The following TTC28 variants were observed in gnomAD, a reference collection of about 807,000 sequenced individuals.
TTC28 encodes tetratricopeptide repeat protein 28.
TTC28 carries 61 observed loss-of-function variants against 198.0 expected under a neutral mutation model. The ratio of observed to expected loss-of-function variants is 0.31; its 90% CI spans 0.25 to 0.38. TTC28 has a LOEUF of 0.38. Ranked by LOEUF, TTC28 falls within the 10% of genes least tolerant of loss-of-function variation. The pLI is 1.00. For missense variants in TTC28, 2,678 were observed against 3,164.0 expected (o/e 0.85, Z 3.69); for synonymous variants, 1,171 against 1,297.8 (o/e 0.90, Z 2.10).
At chr22:28,478,695 CAT>C (rs964404821) in intron 2 of TTC28, among the ~76,000 whole-genome samples, 2 of 152,186 alleles carry the variant, frequency 1.3e-5, no homozygotes, top group Admixed American at 1.3e-4. Flanking sequence ...TGGTGATGAG[CAT>C]ATATGTTTGA....
intron 2 of TTC28, among the ~76,000 whole-genome samples, chr22:28,495,685 T>C (rs906295108): frequency 1.3e-5 from 2 of 152,024 alleles, no homozygotes; most frequent in Admixed American, 6.5e-5. Context: ...CTCAGGACAA[T>C]AGTTGTGGAA....
At chr22:28,133,807 C>G (rs1391705391) in intron 6 of TTC28, among the ~76,000 whole-genome samples, 1 of 152,248 alleles carries the variant, frequency 6.6e-6, no homozygotes, top group Non-Finnish European at 1.5e-5. Context: ...AAACAAAAGG[C>G]AGCAGAAACC....
At chr22:28,257,433 G>A (rs1426113962) in intron 5 of TTC28, among the ~76,000 whole-genome samples, 1 of 151,906 alleles carries the variant, frequency 6.6e-6, no homozygotes, top group Admixed American at 6.6e-5. Context: ...ATAAAAAGAA[G>A]GGAATTCTGT....
chr22:28,513,256 G>A (rs908009534), intron 2 of TTC28, among the ~76,000 whole-genome samples: 3 of 152,144 alleles, frequency 2.0e-5, no homozygotes, highest in South Asian at 2.1e-4. Flanking sequence ...ATACCTATAC[G>A]AGTCATGCCC....
At chr22:28,578,597 G>A (rs2050185243) in intron 2 of TTC28, among the ~76,000 whole-genome samples, 1 of 152,022 alleles carries the variant, frequency 6.6e-6, no homozygotes, top group Non-Finnish European at 1.5e-5. Flanking sequence ...AAAATCAGAT[G>A]GGCAGTCCAG....
chr22:28,470,536 T>C lies in TTC28; in HGVS notation c.381+159016A>G, dbSNP rs554526874. On this transcript the variant is annotated intron_variant, in intron 2 of 22. Transcript: ENST00000397906. ...AAAACAGTGCCCCAAATTTCTACCA[T>C]AGGAGTCACCCTTGTAGCTTTAGGT... is the stretch of plus-strand genomic sequence containing the variant. 1.8e-4 allele frequency among the ~76,000 whole-genome samples: 27 copies of C among 152,298 alleles called. 1 individual carries two copies. The South Asian group carries it at 4.1e-3, about 23-fold the overall frequency.
intron 21 of TTC28, among the ~76,000 whole-genome samples, chr22:27,988,363 C>A (rs1937286085): frequency 6.6e-6 from 1 of 150,784 alleles, no homozygotes; most frequent in Non-Finnish European, 1.5e-5. Context: ...TCTCGGCTCA[C>A]AGCAACCTCC....
chr22:28,405,378 C>A (rs1407291756), intron 2 of TTC28, among the ~76,000 whole-genome samples: 8 of 152,110 alleles, frequency 5.3e-5, no homozygotes, highest in Non-Finnish European at 1.0e-4. Flanking sequence ...GCAATGGGCC[C>A]AGTGGAGACA....
rs190723039 is a variant in TTC28 at position 28,228,097 on chromosome 22, A to C, written c.934-64498T>G. Among the ~76,000 whole-genome samples, 8 of 152,266 alleles carry C rather than the reference A, an allele frequency of 5.3e-5. No individual in the cohort carries two copies. In the East Asian group the frequency reaches 1.5e-3, roughly 29 times the overall value. ...TAAACCTTGAAGACATTAAAAGTGA[A>C]ATAAGGCAGACACAAAAGGATGCAT... On this transcript the variant is annotated intron_variant, in intron 5 of 22. Coordinates refer to ENST00000397906, the MANE Select transcript of TTC28 (RefSeq NM_001145418.2).
chr22:28,151,021 T>C (rs190265781), intron 6 of TTC28, among the ~76,000 whole-genome samples: 3 of 152,338 alleles, frequency 2.0e-5, no homozygotes, highest in African/African-American at 7.2e-5. Flanking sequence ...AGAACTGGGC[T>C]GCCTAACGGG....
intron 1 of TTC28, among the ~76,000 whole-genome samples, chr22:28,655,796 AGCCGAGATTGT>A (rs2146270643): frequency 6.6e-6 from 1 of 151,362 alleles, no homozygotes; most frequent in East Asian, 2.0e-4. Flanking sequence ...GCTTGCAGTG[AGCCGAGATTGT>A]GCCACTGCAC....
chr22:28,500,396 C>T (rs1454555437), intron 2 of TTC28, among the ~76,000 whole-genome samples: 3 of 152,038 alleles, frequency 2.0e-5, no homozygotes, highest in Non-Finnish European at 4.4e-5. Flanking sequence ...TTGTTTTAAC[C>T]CTTATGTTCA....
intron 6 of TTC28, among the ~76,000 whole-genome samples, chr22:28,151,766 C>G (rs1315165504): frequency 2.0e-5 from 3 of 152,080 alleles, no homozygotes; most frequent in Non-Finnish European, 4.4e-5. Flanking sequence ...CATTCTTGTT[C>G]CTTTCTTTTA....
chr22:28,644,171 A>G (rs1396052257), intron 1 of TTC28, among the ~76,000 whole-genome samples: 5 of 150,368 alleles, frequency 3.3e-5, no homozygotes, highest in African/African-American at 1.2e-4. Context: ...AGGCCGAGGC[A>G]GGCGGATCAC....
At chr22:28,260,079 G>A (rs1166274548) in intron 5 of TTC28, among the ~76,000 whole-genome samples, 2 of 152,120 alleles carry the variant, frequency 1.3e-5, no homozygotes, top group Non-Finnish European at 2.9e-5. Flanking sequence ...GAGAAAAGAC[G>A]GGAACAGATG....
chr22:27,998,407 C>G (rs974441309), intron 16 of TTC28, 133 bp downstream of exon 16: 3 of 1,375,120 alleles, frequency 2.2e-6, no homozygotes, highest in Middle Eastern at 2.6e-4. Flanking sequence ...CACACAGGCT[C>G]TCTCCCTGAG....
intron 2 of TTC28, among the ~76,000 whole-genome samples, chr22:28,356,697 G>A (rs536069828): frequency 1.3e-5 from 2 of 152,208 alleles, no homozygotes; most frequent in African/African-American, 4.8e-5. Context: ...GCCCTGTCAG[G>A]GGTGGAGAGT....
intron 5 of TTC28, among the ~76,000 whole-genome samples, chr22:28,261,444 C>T (rs530588687): frequency 6.6e-5 from 10 of 152,168 alleles, no homozygotes; most frequent in African/African-American, 2.2e-4. Context: ...AGAAAAGGAG[C>T]TCAAGCTCCG....
chr22:28,099,493 T>C (rs1382328565), intron 9 of TTC28, among the ~76,000 whole-genome samples: 1 of 152,222 alleles, frequency 6.6e-6, no homozygotes, highest in African/African-American at 2.4e-5. Context: ...TCGAGTGTTT[T>C]TCCAGCTACC....
Sources: gnomAD v4.1 joint callset for allele counts (sites outside exome capture counted in the v4.1 genomes callset) on GRCh38, gnomAD v4.1.1 for gene constraint, MANE v1.5 for transcripts, NCBI Gene and HGNC (gene_info 2026-07-23, HGNC 2026-07-21) for gene names.